Variants in DOCK3 observed in about 807,000 individuals in gnomAD.
The protein encoded by DOCK3 is dedicator of cytokinesis 3, also known as dedicator of cytokinesis protein 3.
Under a neutral mutation model 265.6 loss-of-function variants are expected in DOCK3, and 60 were observed. That is an observed-to-expected ratio of 0.23 (90% CI 0.18 to 0.28). The LOEUF (loss-of-function observed/expected upper bound fraction) is 0.28, where lower values mean the gene tolerates loss of function less well. DOCK3 is among the 10% of genes least tolerant of loss of function. DOCK3 has a pLI of 1.00. For missense variants in DOCK3, 1,981 were observed against 2,594.3 expected, an observed-to-expected ratio of 0.76 and a Z score of 5.14; for synonymous variants, 881 against 938.0, an observed-to-expected ratio of 0.94 and a Z score of 1.11.
At chr3:51,229,449 TAA>T (rs113104131) in intron 18 of DOCK3, 61 bp from the exon 19 acceptor site, 14,159 of 1,018,972 alleles carry the variant, frequency 0.014, no homozygotes, top group South Asian at 0.024. Flanking sequence ...AGACTCCGTC[TAA>T]AAAAAAAAAA....
intron 37 of DOCK3, among the ~76,000 whole-genome samples, chr3:51,340,722 TCA>T (rs1185152839): frequency 4.6e-5 from 7 of 152,228 alleles, no homozygotes; most frequent in African/African-American, 9.6e-5. Flanking sequence ...CCATGGTATT[TCA>T]CTGCTGTTGT....
chr3:51,206,540 G>T (rs1484554020), intron 12 of DOCK3, among the ~76,000 whole-genome samples: 1 of 151,862 alleles, frequency 6.6e-6, no homozygotes, highest in Non-Finnish European at 1.5e-5. Flanking sequence ...TCATAGAAAA[G>T]GCAATATTGA....
At chr3:51,053,078 G>GATATATATATATATATATAT (rs59382660) in intron 5 of DOCK3, among the ~76,000 whole-genome samples, 10 of 43,808 alleles carry the variant, frequency 2.3e-4, no homozygotes, top group East Asian at 3.4e-3. Context: ...AAAAGTCAAA[G>GATATATATATATATATATAT]ATATATATAT....
At chr3:51,239,215 A>ATTTATTTATTTG in intron 21 of DOCK3, among the ~76,000 whole-genome samples, 1 of 151,120 alleles carries the variant, frequency 6.6e-6, no homozygotes, top group Middle Eastern at 3.4e-3. Context: ...TTATTTATTT[A>ATTTATTTATTTG]TTTATTTATT....
chr3:50,709,690 G>T (rs1001606377), intron 1 of DOCK3, among the ~76,000 whole-genome samples: 11 of 152,294 alleles, frequency 7.2e-5, no homozygotes, highest in Non-Finnish European at 1.2e-4. Flanking sequence ...GCTGGGTGTT[G>T]TGGTGGGTGC....
At chr3:50,819,300 T>C (rs906859197) in intron 2 of DOCK3, among the ~76,000 whole-genome samples, 1 of 152,234 alleles carries the variant, frequency 6.6e-6, no homozygotes, top group African/African-American at 2.4e-5. Context: ...TGCCTATTCC[T>C]GTGCTGCCTG....
chr3:51,298,260 A>G (rs956623658), intron 27 of DOCK3, among the ~76,000 whole-genome samples: 6 of 152,230 alleles, frequency 3.9e-5, no homozygotes, highest in African/African-American at 1.4e-4. Flanking sequence ...AGAACCATGT[A>G]ATCCTTTCTG....
At chr3:50,959,936 T>C (rs2108379580) in intron 5 of DOCK3, among the ~76,000 whole-genome samples, 1 of 152,344 alleles carries the variant, frequency 6.6e-6, no homozygotes, top group East Asian at 1.9e-4. Flanking sequence ...AGTATGTTTC[T>C]TTCTGTGTCT....
intron 5 of DOCK3, among the ~76,000 whole-genome samples, chr3:50,977,666 A>G (rs996816446): frequency 6.6e-6 from 1 of 152,034 alleles, no homozygotes; most frequent in Non-Finnish European, 1.5e-5. Context: ...TGGTCTCTGT[A>G]TTTCCTGAAT....
At chr3:51,310,352 G>C in intron 28 of DOCK3, 26 bp downstream of exon 28, 1 of 1,518,520 alleles carries the variant, frequency 6.6e-7, no homozygotes, top group Non-Finnish European at 9.0e-7. Flanking sequence ...CTCTGTATCA[G>C]CATCACTGAG....
chr3:51,300,465 C>T (rs2082311870), intron 27 of DOCK3, among the ~76,000 whole-genome samples: 1 of 152,174 alleles, frequency 6.6e-6, no homozygotes, highest in Admixed American at 6.6e-5. Flanking sequence ...GAGAAGGCAT[C>T]CTTGTCTTGT....
intron 5 of DOCK3, among the ~76,000 whole-genome samples, chr3:51,008,147 C>A (rs1299496369): frequency 1.3e-5 from 2 of 151,812 alleles, no homozygotes; most frequent in African/African-American, 2.4e-5. Context: ...AGTTTTTTTT[C>A]CAATTCTGTG....
At chr3:51,164,941 T>C (rs957698463) in intron 12 of DOCK3, among the ~76,000 whole-genome samples, 1 of 3,580 alleles carries the variant, frequency 2.8e-4, no homozygotes, top group East Asian at 0.012. Flanking sequence ...TTTAGGAGCC[T>C]TTTTTTTTTT....
intron 9 of DOCK3, among the ~76,000 whole-genome samples, chr3:51,108,031 A>T (rs1437291776): frequency 6.6e-6 from 1 of 150,694 alleles, no homozygotes; most frequent in East Asian, 2.0e-4. Flanking sequence ...GAGGGCCAAT[A>T]TTCAACATTC....
chr3:51,249,163 C>A (rs1576532426), intron 22 of DOCK3, among the ~76,000 whole-genome samples: 1 of 146,412 alleles, frequency 6.8e-6, no homozygotes, highest in Non-Finnish European at 1.5e-5. Flanking sequence ...GGGGGTCAGC[C>A]CCCCGCCAGG....
intron 16 of DOCK3, 96 bp downstream of exon 16, chr3:51,227,541 G>C: frequency 1.3e-6 from 2 of 1,518,402 alleles, no homozygotes; most frequent in Non-Finnish European, 1.8e-6. Context: ...ATTTGGGCAA[G>C]AAAATGAAGA....
intron 2 of DOCK3, among the ~76,000 whole-genome samples, chr3:50,796,626 C>T (rs2042801309): frequency 1.3e-5 from 2 of 152,218 alleles, no homozygotes; most frequent in African/African-American, 4.8e-5. Context: ...GCGTGAGCCA[C>T]CGCGTCCAGC....
rs2033840511 is a variant in DOCK3, at chr3:50,675,169, G to T, written c.-95G>T. On this transcript the variant is annotated 5_prime_UTR_variant, in exon 1 of 53. Transcript: ENST00000266037. This position sits in a 1 kb window ranked among gnomAD's most constrained non-coding sequence, Gnocchi z 6.1. ...TGCCCCGCGCCGCCTGACCGTCCCC[G>T]CCTCGACTCGCGGTGCGCCACAGCC... The T allele has an allele frequency of 8.7e-6, 8 of 922,622 alleles. No individual in the cohort carries two copies. In the South Asian group the frequency reaches 3.5e-4, roughly 40 times the overall value. The allele number at this position is 922,622 out of a possible 1,614,324, so 57.2% of individuals were successfully genotyped here. A position where few individuals can be genotyped will look rare whatever the true frequency, so the allele number is the denominator to read the frequency against.
chr3:51,251,715 T>A (rs2079252291), intron 22 of DOCK3, among the ~76,000 whole-genome samples: 1 of 151,868 alleles, frequency 6.6e-6, no homozygotes, highest in Admixed American at 6.6e-5. Context: ...TTTTGATGGT[T>A]TTTTCTTGTA....
Sources: gnomAD v4.1 joint callset for allele counts (sites outside exome capture counted in the v4.1 genomes callset) on GRCh38, gnomAD v4.1.1 for gene constraint, Gnocchi (gnomAD v3.1) non-coding constraint, MANE v1.5 for transcripts, NCBI Gene and HGNC (gene_info 2026-07-23, HGNC 2026-07-21) for gene names.